FAH: variants seen among roughly 807,000 people sequenced by gnomAD.
FAH encodes the protein fumarylacetoacetase.
FAH carries 47 observed loss-of-function variants against 55.8 expected under a neutral mutation model. That is an observed-to-expected ratio of 0.84 (90% CI 0.67 to 1.07). The LOEUF is 1.07. Among genes scored for constraint, FAH ranks in the 50% least tolerant of loss-of-function variants. The pLI, the probability that FAH is intolerant of heterozygous loss-of-function variation, is 0.00. For missense variants in FAH, 495 were observed against 545.9 expected (o/e 0.91, Z 0.93); for synonymous variants, 199 against 207.7 (o/e 0.96, Z 0.36).
rs149220827 is a variant in FAH at position 80,168,365 on chromosome 15, A to C, written c.606+49A>C. The C allele has an allele frequency of 1.2e-5, 20 of 1,600,246 alleles. No homozygotes were observed. The East Asian group carries it at 4.5e-4, about 36-fold the overall frequency. On this transcript the variant is annotated intron_variant, in intron 7 of 13. Coordinates refer to ENST00000561421, the MANE Select transcript of FAH (RefSeq NM_000137.4). The stretch of plus-strand genomic sequence containing the variant: ...GCCATGGGATCTATAGACACCCGGC[A>C]GGAGAGCCCTTTGGGATGGCTCCCC...
chr15:80,155,877 A>G, intron 1 of FAH: 1 of 472,920 alleles, frequency 2.1e-6, no homozygotes, highest in South Asian at 1.5e-5. Flanking sequence ...GAAAGATCAA[A>G]GACTTTAAGA....
At position 80,175,014 on chromosome 15, in the gene FAH, A is replaced by G. The variant is rs1387788860; in HGVS notation, c.838-2A>G. The stretch of plus-strand genomic sequence containing the variant: ...CCTCTGTGCTGTGCTTTGCCCTCTC[A>G]GGACCCCAGGCCCCTGCCGTATCTG... On this transcript the variant is annotated splice_acceptor_variant, in intron 9 of 13. Transcript: ENST00000561421. LOFTEE classifies it high-confidence loss of function. 1.9e-6 allele frequency: 3 copies of G among 1,613,980 alleles called. No homozygotes were observed. The highest frequency in any genetic ancestry group is 2.5e-6 in the Non-Finnish European group (3 of 1,179,948).
intron 6 of FAH, 23 bp downstream of exon 6, chr15:80,168,172 C>G (rs2041210887): frequency 1.2e-6 from 2 of 1,611,106 alleles, no homozygotes; most frequent in Non-Finnish European, 1.7e-6. Context: ...AGCGTCCAGG[C>G]CTTGCTGGTA....
chr15:80,181,149 C>A lies in FAH; in HGVS notation c.1170C>A (p.Val390=). 6.2e-7 allele frequency: 1 copy of A among 1,610,980 alleles called. No individual in the cohort carries two copies. The highest frequency in any genetic ancestry group is 1.1e-5 in the South Asian group (1 of 90,930). The part of the protein sequence containing the change: ...TRKFLLDGDE[V]IITGYCQGDG... ...AGTTTCTGCTGGACGGGGATGAAGT[C>A]ATCATAACAGGTGAGGGCTGCCAAA... Residue 390 remains valine (V), a synonymous_variant, in exon 13 of 14, where the codon GTC becomes GTA. Coordinates refer to ENST00000561421, the MANE Select transcript of FAH (RefSeq NM_000137.4).
At chr15:80,154,590 A>G (rs2041082446) in intron 1 of FAH, among the ~76,000 whole-genome samples, 2 of 152,214 alleles carry the variant, frequency 1.3e-5, no homozygotes, top group South Asian at 4.1e-4. Flanking sequence ...GGACATTCCA[A>G]CCGTGATGGC....
At position 80,168,250 on chromosome 15, in the gene FAH, T is replaced by G; in HGVS notation, c.554-14T>G. ...CACAGCACCGTTTTTTTTTTTTTTC[T>G]GGTGTTATTCCAGCTAAGCCTCCCG... On this transcript the variant is annotated splice_polypyrimidine_tract_variant and intron_variant, in intron 6 of 13. Transcript: ENST00000561421. 1.3e-6 allele frequency: 2 copies of G among 1,596,070 alleles called. No individual in the cohort carries two copies. Among genetic ancestry groups the G allele is most frequent in the Non-Finnish European group, 8.6e-7 (1 of 1,167,400 alleles).
chr15:80,180,963 C>A, intron 12 of FAH, 79 bp from the exon 13 acceptor site: 1 of 1,206,488 alleles, frequency 8.3e-7, no homozygotes, highest in Non-Finnish European at 1.2e-6. Flanking sequence ...TCGGGACTCC[C>A]AGGTCTTGCT....
At chr15:80,160,628 TC>T (rs1049144215) in intron 4 of FAH, 169 bp downstream of exon 4, 31 of 716,906 alleles carry the variant, frequency 4.3e-5, no homozygotes, top group Non-Finnish European at 7.3e-5. Context: ...TTTCCCAGCA[TC>T]CAGGCCCGGC....
intron 3 of FAH, 84 bp from the exon 4 acceptor site, chr15:80,160,326 T>C (rs547616531): frequency 2.9e-6 from 4 of 1,375,558 alleles, no homozygotes; most frequent in Non-Finnish European, 4.2e-6. Flanking sequence ...GTGGATAATC[T>C]TGGGGATGGT....
At chr15:80,158,646 C>A (rs1006927912) in intron 2 of FAH, among the ~76,000 whole-genome samples, 3 of 152,194 alleles carry the variant, frequency 2.0e-5, no homozygotes, top group Admixed American at 6.5e-5. Context: ...TGGTCATCTA[C>A]TTTGATATAG....
intron 4 of FAH, 118 bp from the exon 5 acceptor site, chr15:80,162,128 G>T: frequency 1.2e-6 from 1 of 804,674 alleles, no homozygotes; most frequent in South Asian, 1.3e-5. Flanking sequence ...GCTGCAGGCT[G>T]AGCTCTGGAT....
chr15:80,180,840 G>C (rs1202279576), intron 12 of FAH, among the ~76,000 whole-genome samples: 1 of 152,122 alleles, frequency 6.6e-6, no homozygotes, highest in Non-Finnish European at 1.5e-5. Flanking sequence ...TGGAACCATT[G>C]CTGTCCCCAC....
rs191178424 is a variant in FAH, at chr15:80,162,763, A to G, written c.455+427A>G. Reference sequence around the variant, plus strand: ...GTGATCGGTTTCATTCATTTGTTTGATCCTCGTAGTAGTTCTCTGATGTCA... The same window carrying G: ...GTGATCGGTTTCATTCATTTGTTTGGTCCTCGTAGTAGTTCTCTGATGTCA... On this transcript the variant is annotated intron_variant, in intron 5 of 13. Transcript: ENST00000561421. 1.5e-5 allele frequency: 4 copies of G among 275,228 alleles called. No individual in the cohort carries two copies. In the Admixed American group the frequency reaches 1.9e-4, roughly 13 times the overall value. 17.0% of individuals were successfully genotyped at this position (275,228 alleles called of 1,614,324 possible). A position where few individuals can be genotyped will look rare whatever the true frequency, so the allele number is the denominator to read the frequency against.
downstream of FAH, chr15:80,186,395 A>G: frequency 1.5e-6 from 1 of 671,102 alleles, no homozygotes; most frequent in South Asian, 1.6e-5. Context: ...CCAGTGGGTC[A>G]AGGTGTGTAA....
chr15:80,183,122 G>A (rs1306644564), intron 13 of FAH, among the ~76,000 whole-genome samples: 5 of 152,156 alleles, frequency 3.3e-5, no homozygotes, highest in South Asian at 4.1e-4. Context: ...TGTATACAAC[G>A]CCTTACTCCG....
At chr15:80,172,062 G>T in intron 7 of FAH, 87 bp from the exon 8 acceptor site, 1 of 962,412 alleles carries the variant, frequency 1.0e-6, no homozygotes, top group Non-Finnish European at 1.7e-6. Context: ...GCTGGAGTTT[G>T]GAAATACCTG....
In FAH at chr15:80,158,066, C is replaced by T. The variant is rs770176263; in HGVS notation, c.88C>T (p.Pro30Ser). 1.9e-6 allele frequency: 3 copies of T among 1,613,180 alleles called. No homozygotes were observed. Among genetic ancestry groups the T allele is most frequent in the Non-Finnish European group, 2.5e-6 (3 of 1,179,140 alleles). The change falls in exon 2 of 14, where the codon CCG (proline) becomes TCG (serine). Residue 30 changes from proline (P) to serine (S), a missense_variant. Coordinates refer to ENST00000561421, the MANE Select transcript of FAH (RefSeq NM_000137.4). ...GVFSTRGDPR[P>S]RIGVAIGDQI... ...GGTGTCGTCTTCCTCCTAGCCAAGACCGAGGATAGGTGTGGCCATTGGCGA... is the reference window on the plus strand; with the variant it reads ...GGTGTCGTCTTCCTCCTAGCCAAGATCGAGGATAGGTGTGGCCATTGGCGA...
chr15:80,179,983 G>T (rs1339489607), intron 11 of FAH, 141 bp from the exon 12 acceptor site: 2 of 702,096 alleles, frequency 2.8e-6, no homozygotes, highest in East Asian at 5.5e-5. Context: ...TAAGGGACTG[G>T]AGAGAGCTGG....
At chr15:80,165,010 C>T (rs567580412) in intron 5 of FAH, among the ~76,000 whole-genome samples, 1 of 152,318 alleles carries the variant, frequency 6.6e-6, no homozygotes, top group East Asian at 1.9e-4. Context: ...TTAAATCTAT[C>T]TCAGTCTTTT....
Sources: gnomAD v4.1 joint callset for allele counts (sites outside exome capture counted in the v4.1 genomes callset) on GRCh38, gnomAD v4.1.1 for gene constraint, MANE v1.5 for transcripts, NCBI Gene and HGNC (gene_info 2026-07-23, HGNC 2026-07-21) for gene names.